ZNF804A: variants seen among roughly 807,000 people sequenced by gnomAD.
The protein encoded by ZNF804A is zinc finger protein 804A.
In ZNF804A, 2 loss-of-function variants were observed where a neutral mutation model predicts 16.5. That is an observed-to-expected ratio of 0.12 (90% CI 0.05 to 0.38). The LOEUF (loss-of-function observed/expected upper bound fraction) is 0.38. Ranked by LOEUF, ZNF804A falls within the 10% of genes least tolerant of loss-of-function variation. ZNF804A has a pLI of 0.99. For synonymous variants in ZNF804A, 534 were observed against 489.6 expected (o/e 1.09, Z -1.20); for missense variants, 1,473 against 1,390.7 (o/e 1.06, Z -0.94).
chr2:184,781,452 TAAAG>T (rs1558959818), intron 1 of ZNF804A, among the ~76,000 whole-genome samples: 1 of 151,818 alleles, frequency 6.6e-6, no homozygotes, highest in African/African-American at 2.4e-5. Context: ...TAAAACAAGA[TAAAG>T]TAACATTTCA....
At chr2:184,804,252 C>G (rs1371333212) in intron 1 of ZNF804A, among the ~76,000 whole-genome samples, 1 of 152,150 alleles carries the variant, frequency 6.6e-6, no homozygotes, top group Non-Finnish European at 1.5e-5. Flanking sequence ...TCTTTAACTT[C>G]ATTGCATGCA....
intron 1 of ZNF804A, among the ~76,000 whole-genome samples, chr2:184,694,894 T>A (rs1477267934): frequency 6.6e-6 from 1 of 152,198 alleles, no homozygotes; most frequent in Non-Finnish European, 1.5e-5. Context: ...ACTGCCCTGA[T>A]CTGTGGGGAA....
At chr2:184,750,599 T>C (rs1300631470) in intron 1 of ZNF804A, among the ~76,000 whole-genome samples, 2 of 151,354 alleles carry the variant, frequency 1.3e-5, no homozygotes, top group Non-Finnish European at 3.0e-5. Flanking sequence ...TGTAAAAATG[T>C]CACCACAATC....
intron 1 of ZNF804A, among the ~76,000 whole-genome samples, chr2:184,754,608 A>AAT (rs1693930519): frequency 6.6e-6 from 1 of 151,900 alleles, no homozygotes; most frequent in Admixed American, 6.6e-5. Flanking sequence ...AAATATCTCG[A>AAT]ATTGAAACAC....
chr2:184,919,161 G>A (rs1685494398), intron 2 of ZNF804A, among the ~76,000 whole-genome samples: 1 of 152,156 alleles, frequency 6.6e-6, no homozygotes. Flanking sequence ...ATAGTTTTGT[G>A]AGAATCATTG....
intron 1 of ZNF804A, among the ~76,000 whole-genome samples, chr2:184,830,743 T>A (rs193088956): frequency 2.6e-5 from 4 of 152,218 alleles, no homozygotes; most frequent in Admixed American, 2.6e-4. Flanking sequence ...TGATATTTCA[T>A]AATGAGTCAC....
intron 2 of ZNF804A, among the ~76,000 whole-genome samples, chr2:184,916,579 G>A (rs1685453541): frequency 6.6e-6 from 1 of 152,202 alleles, no homozygotes; most frequent in Non-Finnish European, 1.5e-5. Context: ...GCCTGGCACG[G>A]TGGCTGACGC....
chr2:184,818,105 T>G (rs1695010833), intron 1 of ZNF804A, among the ~76,000 whole-genome samples: 1 of 151,646 alleles, frequency 6.6e-6, no homozygotes, highest in African/African-American at 2.4e-5. Flanking sequence ...ACACATAATC[T>G]TCAGATTCTC....
intron 1 of ZNF804A, among the ~76,000 whole-genome samples, chr2:184,641,198 A>G (rs1326679531): frequency 6.6e-6 from 1 of 152,076 alleles, no homozygotes; most frequent in African/African-American, 2.4e-5. Context: ...TGATCTGCCC[A>G]CCTCGGCTTC....
At chr2:184,677,908 A>G (rs2105716903) in intron 1 of ZNF804A, among the ~76,000 whole-genome samples, 1 of 152,130 alleles carries the variant, frequency 6.6e-6, no homozygotes, top group South Asian at 2.1e-4. Context: ...TTTACAACCT[A>G]GTGAGTTAGT....
At chr2:184,811,900 C>T (rs1192491291) in intron 1 of ZNF804A, among the ~76,000 whole-genome samples, 2 of 152,098 alleles carry the variant, frequency 1.3e-5, no homozygotes, top group East Asian at 3.9e-4. Context: ...CAGCAGAAAA[C>T]TAGCATTACA....
chr2:184,838,928 A>G (rs1396436473), intron 1 of ZNF804A, among the ~76,000 whole-genome samples: 1 of 152,156 alleles, frequency 6.6e-6, no homozygotes, highest in Non-Finnish European at 1.5e-5. Flanking sequence ...AAACTGAATG[A>G]TAATACTTTA....
chr2:184,763,349 G>A (rs139277785), intron 1 of ZNF804A, among the ~76,000 whole-genome samples: 109 of 152,114 alleles, frequency 7.2e-4, no homozygotes, highest in African/African-American at 2.5e-3. Flanking sequence ...AAAAAGATTC[G>A]TAGACAGCCA....
chr2:184,723,181 TA>T (rs1488171417), intron 1 of ZNF804A, among the ~76,000 whole-genome samples: 4 of 151,874 alleles, frequency 2.6e-5, no homozygotes, highest in Admixed American at 6.6e-5. Flanking sequence ...TTTCATTTAA[TA>T]GAAACTTATT....
At chr2:184,848,702 A>G (rs1311720121) in intron 1 of ZNF804A, among the ~76,000 whole-genome samples, 1 of 152,058 alleles carries the variant, frequency 6.6e-6, no homozygotes, top group Admixed American at 6.6e-5. Context: ...GGTAGAGAGC[A>G]TGATAGAAGA....
intron 1 of ZNF804A, among the ~76,000 whole-genome samples, chr2:184,703,731 A>AAGAG: frequency 6.6e-6 from 1 of 151,380 alleles, no homozygotes; most frequent in East Asian, 1.9e-4. Flanking sequence ...GAAAGAAAGA[A>AAGAG]AATATCAATG....
chr2:184,604,108 C>T (rs13405722), intron 1 of ZNF804A, among the ~76,000 whole-genome samples: 1 of 134,318 alleles, frequency 7.4e-6, no homozygotes, highest in Non-Finnish European at 1.5e-5. Flanking sequence ...CTTCTCACTT[C>T]TGCACCAATA....
At chr2:184,856,116 T>A (rs1664455943) in intron 1 of ZNF804A, among the ~76,000 whole-genome samples, 1 of 151,996 alleles carries the variant, frequency 6.6e-6, no homozygotes, top group African/African-American at 2.4e-5. Flanking sequence ...ACATAGTAAA[T>A]ATGTGTGATG....
chr2:184,849,012 A>G (rs1313584531), intron 1 of ZNF804A, among the ~76,000 whole-genome samples: 1 of 152,044 alleles, frequency 6.6e-6, no homozygotes, highest in East Asian at 1.9e-4. Flanking sequence ...TAGAAAAGGT[A>G]AAAAAGGAAA....
Sources: allele counts gnomAD v4.1 joint callset (sites outside exome capture counted in the v4.1 genomes callset), GRCh38; gene constraint gnomAD v4.1.1; transcripts MANE v1.5; gene names NCBI Gene and HGNC (gene_info 2026-07-23, HGNC 2026-07-21).